The following BBX variants were observed in gnomAD, a reference collection of about 807,000 sequenced individuals.
BBX encodes the protein HMG box transcription factor BBX.
Under a neutral mutation model 100.2 loss-of-function variants are expected in BBX, and 30 were observed. The ratio of observed to expected loss-of-function variants is 0.30; its 90% CI spans 0.22 to 0.41. BBX has a LOEUF of 0.41. BBX is among the 10% of genes least tolerant of loss of function. The pLI, the probability that BBX is intolerant of heterozygous loss-of-function variation, is 1.00. For synonymous variants in BBX, 376 were observed against 388.1 expected (o/e 0.97, Z 0.37); for missense variants, 1,023 against 1,129.8 (o/e 0.91, Z 1.35).
At chr3:107,691,884 A>G (rs1198682837) in intron 3 of BBX, among the ~76,000 whole-genome samples, 1 of 152,202 alleles carries the variant, frequency 6.6e-6, no homozygotes, top group Non-Finnish European at 1.5e-5. Flanking sequence ...GCTAAACACT[A>G]TACTACTTAA....
chr3:107,549,193 A>C (rs1184474384), intron 2 of BBX, among the ~76,000 whole-genome samples: 1 of 152,342 alleles, frequency 6.6e-6, no homozygotes, highest in East Asian at 1.9e-4. Flanking sequence ...TATTTATTCA[A>C]CAAACATTTA....
At chr3:107,621,044 A>T (rs1186784261) in intron 2 of BBX, among the ~76,000 whole-genome samples, 21 of 152,152 alleles carry the variant, frequency 1.4e-4, no homozygotes, top group Non-Finnish European at 2.8e-4. Context: ...GCCAGGGTAG[A>T]AGTCTAGGTT....
At chr3:107,670,792 G>A (rs776339482) in intron 3 of BBX, among the ~76,000 whole-genome samples, 10 of 151,948 alleles carry the variant, frequency 6.6e-5, no homozygotes, top group Non-Finnish European at 1.5e-5. Context: ...TTATTTTACA[G>A]ATGTTTGAAG....
At chr3:107,561,426 T>C (rs1417158588) in intron 2 of BBX, among the ~76,000 whole-genome samples, 1 of 152,204 alleles carries the variant, frequency 6.6e-6, no homozygotes, top group South Asian at 2.1e-4. Context: ...TAAGGACTTA[T>C]GTATAAGAAT....
intron 7 of BBX, among the ~76,000 whole-genome samples, chr3:107,739,194 T>A (rs1173297473): frequency 6.6e-6 from 1 of 152,216 alleles, no homozygotes; most frequent in African/African-American, 2.4e-5. Context: ...CTTGTTGGTG[T>A]ATTTGAATTA....
At chr3:107,590,255 A>G (rs1473134072) in intron 2 of BBX, among the ~76,000 whole-genome samples, 2 of 151,986 alleles carry the variant, frequency 1.3e-5, no homozygotes, top group African/African-American at 2.4e-5. Flanking sequence ...ATAGGCATCT[A>G]TTTTTTTATT....
intron 3 of BBX, among the ~76,000 whole-genome samples, chr3:107,680,332 TA>T (rs1202174881): frequency 3.9e-5 from 6 of 152,174 alleles, no homozygotes; most frequent in African/African-American, 1.4e-4. Flanking sequence ...AGTACCTCTT[TA>T]CAAAGCCAAT....
Position 107,774,116 on chromosome 3 carries a change from G to A in BBX, c.1915+480G>A, listed in dbSNP as rs759500076. On this transcript the variant is annotated intron_variant, in intron 11 of 17. Coordinates refer to ENST00000325805, the MANE Select transcript of BBX (RefSeq NM_001142568.3). Reference sequence around the variant, plus strand: ...AGTGGCTTACACCTGTAGTCCCAGCGCTTTGGGAGGCCAAGGCGGGTGCAT... The same window carrying A: ...AGTGGCTTACACCTGTAGTCCCAGCACTTTGGGAGGCCAAGGCGGGTGCAT... Among the ~76,000 whole-genome samples the A allele has an allele frequency of 7.2e-5, 11 of 152,244 alleles. No homozygotes were observed. The South Asian group carries it at 2.1e-3, about 29-fold the overall frequency.
intron 2 of BBX, among the ~76,000 whole-genome samples, chr3:107,529,824 ATT>A (rs879619864): frequency 6.2e-5 from 9 of 144,144 alleles, no homozygotes; most frequent in Admixed American, 1.4e-4. Context: ...GATTGTCTTC[ATT>A]TTTTTTTTTT....
intron 3 of BBX, among the ~76,000 whole-genome samples, chr3:107,670,246 G>C (rs978830448): frequency 6.6e-6 from 1 of 151,992 alleles, no homozygotes; most frequent in Non-Finnish European, 1.5e-5. Context: ...CTACCAAATA[G>C]TAATTTTAAT....
At chr3:107,704,383 G>A (rs1427052685) in intron 3 of BBX, among the ~76,000 whole-genome samples, 1 of 152,148 alleles carries the variant, frequency 6.6e-6, no homozygotes, top group Non-Finnish European at 1.5e-5. Context: ...GATGGCACCT[G>A]CACTCTGAAG....
intron 2 of BBX, among the ~76,000 whole-genome samples, chr3:107,569,443 G>A (rs1025924147): frequency 1.7e-4 from 26 of 151,460 alleles, no homozygotes; most frequent in Non-Finnish European, 2.5e-4. Context: ...TTTCACCTGG[G>A]TGCAGGCGGG....
At chr3:107,622,361 G>A (rs1017139033) in intron 2 of BBX, among the ~76,000 whole-genome samples, 1 of 152,082 alleles carries the variant, frequency 6.6e-6, no homozygotes, top group Non-Finnish European at 1.5e-5. Context: ...CTACTTTATA[G>A]TAATTGTGAA....
intron 2 of BBX, among the ~76,000 whole-genome samples, chr3:107,603,329 T>G (rs2054195877): frequency 6.6e-6 from 1 of 152,194 alleles, no homozygotes; most frequent in Non-Finnish European, 1.5e-5. Flanking sequence ...CAGATCCATC[T>G]TTTGTGAAAG....
intron 2 of BBX, among the ~76,000 whole-genome samples, chr3:107,573,348 A>G (rs1036593553): frequency 1.3e-5 from 2 of 152,178 alleles, no homozygotes; most frequent in South Asian, 2.1e-4. Context: ...TCACAAGGTC[A>G]GGAGTTTGAG....
chr3:107,603,814 C>T (rs987380417), intron 2 of BBX, among the ~76,000 whole-genome samples: 3 of 151,886 alleles, frequency 2.0e-5, no homozygotes, highest in African/African-American at 7.3e-5. Flanking sequence ...TGATCACTAG[C>T]GTTTTTAAAA....
intron 2 of BBX, among the ~76,000 whole-genome samples, chr3:107,537,831 T>C (rs2107342867): frequency 6.6e-6 from 1 of 152,356 alleles, no homozygotes; most frequent in Non-Finnish European, 1.5e-5. Flanking sequence ...TTCTGAAATA[T>C]TGTGCTCAGT....
chr3:107,734,100 T>C (rs2063490949), intron 7 of BBX, among the ~76,000 whole-genome samples: 1 of 152,202 alleles, frequency 6.6e-6, no homozygotes, highest in African/African-American at 2.4e-5. Context: ...TTTTGTTTTT[T>C]AGTTGTGATT....
At chr3:107,618,614 A>G (rs931266093) in intron 2 of BBX, among the ~76,000 whole-genome samples, 1 of 151,860 alleles carries the variant, frequency 6.6e-6, no homozygotes, top group African/African-American at 2.4e-5. Flanking sequence ...ACTTGTTTCA[A>G]TGTTATTTTC....
Sources: allele counts gnomAD v4.1 joint callset (sites outside exome capture counted in the v4.1 genomes callset), GRCh38; gene constraint gnomAD v4.1.1; transcripts MANE v1.5; gene names NCBI Gene and HGNC (gene_info 2026-07-23, HGNC 2026-07-21).